Variants in LRRTM4 observed in about 807,000 individuals in gnomAD.
LRRTM4 encodes leucine rich repeat transmembrane neuronal 4, also known as leucine-rich repeat transmembrane neuronal protein 4.
LRRTM4 carries 25 observed loss-of-function variants against 47.6 expected under a neutral mutation model. The ratio of observed to expected loss-of-function variants is 0.53; its 90% CI spans 0.38 to 0.73. The LOEUF is 0.73. LRRTM4 is among the 30% of genes least tolerant of loss of function. The probability of loss-of-function intolerance (pLI) is 0.00; values close to 1 mark genes in which losing one functional copy is unlikely to be tolerated. For synonymous variants in LRRTM4, 311 were observed against 269.5 expected (o/e 1.15, Z -1.51); for missense variants, 638 against 713.4 (o/e 0.89, Z 1.20).
chr2:76,819,776 T>C (rs1463175957), intron 3 of LRRTM4, among the ~76,000 whole-genome samples: 1 of 151,946 alleles, frequency 6.6e-6, no homozygotes, highest in Non-Finnish European at 1.5e-5. Context: ...ATTTCAGCAG[T>C]AGATCTAAAA....
chr2:77,249,985 T>A (rs547446136), intron 3 of LRRTM4, among the ~76,000 whole-genome samples: 43 of 152,294 alleles, frequency 2.8e-4, no homozygotes, highest in African/African-American at 9.6e-4. Context: ...TATAATTCAG[T>A]GCTGAAAAGA....
chr2:77,145,203 A>ATGTG (rs575140760), intron 3 of LRRTM4, among the ~76,000 whole-genome samples: 1,626 of 148,034 alleles, frequency 0.011, 25 homozygotes, highest in Middle Eastern at 0.035. Flanking sequence ...ACAGATATGT[A>ATGTG]TGTGTGTGTG....
At position 77,442,438 on chromosome 2, in the gene LRRTM4, T is replaced by C. The variant is rs114479028; in HGVS notation, c.1551+75880A>G. Among the ~76,000 whole-genome samples the C allele has an allele frequency of 7.9e-3, 1,208 of 152,292 alleles. 19 individuals are homozygous for C. Among genetic ancestry groups the C allele is most frequent in the African/African-American group, 0.028 (1,159 of 41,558 alleles). On this transcript the variant is annotated intron_variant, in intron 3 of 3. Transcript: ENST00000409884. ...GATAAAAAGAAGAATACATTTTATATAGTGCAATTCAAAACTTATCTTCCT... is the reference window on the plus strand; with the variant it reads ...GATAAAAAGAAGAATACATTTTATACAGTGCAATTCAAAACTTATCTTCCT...
chr2:77,320,716 G>T (rs1677763147), intron 3 of LRRTM4, among the ~76,000 whole-genome samples: 1 of 151,706 alleles, frequency 6.6e-6, no homozygotes, highest in African/African-American at 2.4e-5. Context: ...ATACCTATAT[G>T]AGTTATTTAA....
At chr2:76,924,097 C>T (rs1373636438) in intron 3 of LRRTM4, among the ~76,000 whole-genome samples, 1 of 152,006 alleles carries the variant, frequency 6.6e-6, no homozygotes, top group East Asian at 1.9e-4. Flanking sequence ...GCCAGCATTT[C>T]ACAAATAGTT....
intron 3 of LRRTM4, among the ~76,000 whole-genome samples, chr2:77,210,160 A>G (rs1426427537): frequency 6.6e-6 from 1 of 152,204 alleles, no homozygotes; most frequent in Non-Finnish European, 1.5e-5. Context: ...CATTTGAAGG[A>G]GAAACCAAGA....
At chr2:77,111,615 T>C (rs547779844) in intron 3 of LRRTM4, among the ~76,000 whole-genome samples, 23 of 152,248 alleles carry the variant, frequency 1.5e-4, no homozygotes, top group Non-Finnish European at 3.1e-4. Context: ...ACTTGGTCCT[T>C]AAGATTTCCT....
chr2:76,779,353 C>T (rs1387743111), intron 3 of LRRTM4, among the ~76,000 whole-genome samples: 3 of 151,056 alleles, frequency 2.0e-5, no homozygotes, highest in Admixed American at 2.0e-4. Flanking sequence ...CTAATGTTGA[C>T]AGTGGGGTGT....
chr2:77,157,594 G>T (rs1280590204), intron 3 of LRRTM4, among the ~76,000 whole-genome samples: 3 of 151,912 alleles, frequency 2.0e-5, no homozygotes, highest in Admixed American at 2.0e-4. Flanking sequence ...TATTTAACTT[G>T]ATATACTTGC....
chr2:77,350,620 G>A (rs1157474013), intron 3 of LRRTM4, among the ~76,000 whole-genome samples: 2 of 151,852 alleles, frequency 1.3e-5, no homozygotes, highest in Admixed American at 1.3e-4. Context: ...AAAGTCAAAA[G>A]GACAAACAAT....
intron 3 of LRRTM4, among the ~76,000 whole-genome samples, chr2:76,797,884 G>C (rs1315456394): frequency 6.6e-6 from 1 of 151,474 alleles, no homozygotes; most frequent in East Asian, 1.9e-4. Flanking sequence ...ATTACATGAT[G>C]GTAAAGGGAT....
At chr2:77,484,950 A>G (rs1677852812) in intron 3 of LRRTM4, among the ~76,000 whole-genome samples, 1 of 152,150 alleles carries the variant, frequency 6.6e-6, no homozygotes, top group Non-Finnish European at 1.5e-5. Flanking sequence ...TAGGTGTTGA[A>G]ACTTTGCAGA....
At chr2:76,806,976 A>T (rs1284824383) in intron 3 of LRRTM4, among the ~76,000 whole-genome samples, 2 of 152,188 alleles carry the variant, frequency 1.3e-5, no homozygotes, top group Non-Finnish European at 2.9e-5. Flanking sequence ...TATCAATTAA[A>T]AATTAATGAG....
At chr2:77,462,508 A>G (rs145700715) in intron 3 of LRRTM4, among the ~76,000 whole-genome samples, 2 of 152,176 alleles carry the variant, frequency 1.3e-5, no homozygotes, top group African/African-American at 2.4e-5. Flanking sequence ...ACTCCTGGCT[A>G]TCACCAATCA....
chr2:76,809,551 C>T (rs1296101706), intron 3 of LRRTM4, among the ~76,000 whole-genome samples: 1 of 152,152 alleles, frequency 6.6e-6, no homozygotes, highest in Non-Finnish European at 1.5e-5. Context: ...AATCCCTCAG[C>T]CAGGCAATCA....
intron 3 of LRRTM4, among the ~76,000 whole-genome samples, chr2:77,149,154 G>A (rs888835726): frequency 1.6e-4 from 24 of 151,936 alleles, no homozygotes; most frequent in Non-Finnish European, 2.5e-4. Context: ...GAATTGAGAT[G>A]TCCTACAAGT....
intron 3 of LRRTM4, among the ~76,000 whole-genome samples, chr2:77,411,444 CTT>C (rs1491306681): frequency 1.6e-3 from 229 of 142,414 alleles, no homozygotes; most frequent in African/African-American, 5.6e-3. Context: ...CTCTCTCTCT[CTT>C]TCTTCTTTTT....
chr2:77,107,872 A>G (rs1671141984), intron 3 of LRRTM4, among the ~76,000 whole-genome samples: 1 of 151,786 alleles, frequency 6.6e-6, no homozygotes, highest in Non-Finnish European at 1.5e-5. Context: ...ATTTAAAGCT[A>G]TTCTGTATAG....
At chr2:77,074,759 T>A (rs1041598296) in intron 3 of LRRTM4, among the ~76,000 whole-genome samples, 3 of 152,122 alleles carry the variant, frequency 2.0e-5, no homozygotes, top group African/African-American at 7.2e-5. Context: ...ACTTTCTAAA[T>A]CAAGAAGTGG....
Sources: allele counts gnomAD v4.1 joint callset (sites outside exome capture counted in the v4.1 genomes callset), GRCh38; gene constraint gnomAD v4.1.1; transcripts MANE v1.5; gene names NCBI Gene and HGNC (gene_info 2026-07-23, HGNC 2026-07-21).